CCR3: variants seen among roughly 807,000 people sequenced by gnomAD.
CCR3 encodes C-C motif chemokine receptor 3, also known as C-C chemokine receptor type 3.
For synonymous variants in CCR3, 203 were observed against 179.2 expected, an observed-to-expected ratio of 1.13 and a Z score of -1.06; for missense variants, 419 against 437.5, an observed-to-expected ratio of 0.96 and a Z score of 0.38.
intron 1 of CCR3, among the ~76,000 whole-genome samples, chr3:46,244,118 G>A (rs1700147085): frequency 6.6e-6 from 1 of 152,120 alleles, no homozygotes; most frequent in African/African-American, 2.4e-5. Flanking sequence ...TGTGATTTGT[G>A]TAATATACCT....
chr3:46,234,941 T>C (rs1215118671), intron 2 of CCR3, among the ~76,000 whole-genome samples: 4 of 152,236 alleles, frequency 2.6e-5, no homozygotes, highest in African/African-American at 4.8e-5. Context: ...CTCACGCCCA[T>C]GCATAGCCCC....
In CCR3 at chr3:46,233,080, C is replaced by A. The variant is rs538426244; in HGVS notation, c.-67-9322C>A. 3.3e-5 allele frequency among the ~76,000 whole-genome samples: 5 copies of A among 152,378 alleles called. No homozygotes were observed. In the East Asian group the frequency reaches 9.6e-4, roughly 29 times the overall value. On this transcript the variant is annotated intron_variant, in intron 2 of 3. Coordinates refer to the CCR3 transcript ENST00000357422. ...ACTCCTGACCTCGTGATCCACGTGT[C>A]TCAGCCTCCCAAAGTGCTGGGATTA...
intron 2 of CCR3, among the ~76,000 whole-genome samples, chr3:46,211,244 G>T: frequency 6.7e-6 from 1 of 149,238 alleles, no homozygotes; most frequent in East Asian, 1.9e-4. Flanking sequence ...TGTCGCCCAG[G>T]CTGGGGTGCA....
chr3:46,256,937 G>T (rs1265861856), intron 1 of CCR3, among the ~76,000 whole-genome samples: 3 of 136,862 alleles, frequency 2.2e-5, no homozygotes, highest in Non-Finnish European at 4.6e-5. Context: ...TATCAAGGAG[G>T]TCTTCACATT....
intron 1 of CCR3, 63 bp from the exon 2 acceptor site, chr3:46,265,085 G>A: frequency 9.6e-7 from 1 of 1,036,772 alleles, no homozygotes; most frequent in Non-Finnish European, 1.4e-6. Context: ...AAATCAACTG[G>A]TGTGTTTTAC....
At chr3:46,215,421 A>T (rs942852066) in intron 2 of CCR3, among the ~76,000 whole-genome samples, 1 of 152,206 alleles carries the variant, frequency 6.6e-6, no homozygotes, top group Non-Finnish European at 1.5e-5. Context: ...GTGTTTTAAC[A>T]AGTCCTCCAG....
In CCR3 at chr3:46,246,904, T is replaced by C. The variant is rs944667432; in HGVS notation, c.-12+4366T>C. On this transcript the variant is annotated intron_variant, in intron 1 of 1. Coordinates refer to ENST00000395940, the MANE Select transcript of CCR3 (RefSeq NM_178329.3). The stretch of plus-strand genomic sequence containing the variant: ...TGGGAGAGATTAAGCTGAAGGGAGG[T>C]CTTGTGGTAAGGGGTGATATTGTGG... Among the ~76,000 whole-genome samples the C allele has an allele frequency of 2.6e-4, 40 of 151,126 alleles. 1 individual carries two copies. Among genetic ancestry groups the C allele is most frequent in the African/African-American group, 9.3e-4 (38 of 41,068 alleles).
intron 2 of CCR3, among the ~76,000 whole-genome samples, chr3:46,221,605 C>A (rs183797245): frequency 6.6e-5 from 10 of 152,294 alleles, no homozygotes; most frequent in Admixed American, 1.3e-4. Context: ...GCATCTTGAA[C>A]CCAATTTGCA....
At chr3:46,224,466 G>A (rs1403845842) in intron 2 of CCR3, among the ~76,000 whole-genome samples, 4 of 151,762 alleles carry the variant, frequency 2.6e-5, no homozygotes, top group Middle Eastern at 6.8e-3. Flanking sequence ...AGCTGGGCAC[G>A]GTGGCTCACA....
In CCR3 at chr3:46,213,472, A is replaced by G. The variant is rs554438075; in HGVS notation, c.-68+2565A>G. Among the ~76,000 whole-genome samples the G allele has an allele frequency of 5.9e-5, 9 of 152,286 alleles. No individual in the cohort carries two copies. The South Asian group carries it at 1.0e-3, about 18-fold the overall frequency. ...TTCAAGGAGTCAGGAAATAGAAACTACCTTTTTTGGAAGAGCTACAAAGTC... is the reference window on the plus strand; with the variant it reads ...TTCAAGGAGTCAGGAAATAGAAACTGCCTTTTTTGGAAGAGCTACAAAGTC... On this transcript the variant is annotated intron_variant, in intron 2 of 3. Transcript: ENST00000357422.
In CCR3 at chr3:46,266,047, A is replaced by G. The variant is rs781573919; in HGVS notation, c.889A>G (p.Asn297Asp). The G allele has an allele frequency of 5.6e-6, 9 of 1,614,020 alleles. No homozygotes were observed. The highest frequency in any genetic ancestry group is 7.6e-6 in the Non-Finnish European group (9 of 1,180,012). Residue 297 changes from asparagine (N) to aspartate (D), a missense_variant, in exon 2 of 2, where the codon AAC (asparagine) becomes GAC (aspartate). Coordinates refer to ENST00000395940, the MANE Select transcript of CCR3 (RefSeq NM_178329.3). ...EVIAYSHCCM[N>D]PVIYAFVGER... ...GATCGCCTACTCCCACTGCTGCATG[A>G]ACCCGGTGATCTACGCCTTTGTTGG...
chr3:46,211,243 G>C (rs1278200761), intron 2 of CCR3, among the ~76,000 whole-genome samples: 2 of 149,730 alleles, frequency 1.3e-5, no homozygotes, highest in East Asian at 3.9e-4. Flanking sequence ...CTGTCGCCCA[G>C]GCTGGGGTGC....
chr3:46,243,764 T>C (rs997962628), intron 1 of CCR3, among the ~76,000 whole-genome samples: 3 of 152,174 alleles, frequency 2.0e-5, no homozygotes, highest in Non-Finnish European at 4.4e-5. Flanking sequence ...GAGCCCTTTG[T>C]ATGACTTAAT....
chr3:46,242,963 G>GTATATATATATATATACACATATATA (rs1553644058), intron 1 of CCR3, among the ~76,000 whole-genome samples: 3 of 86,272 alleles, frequency 3.5e-5, no homozygotes, highest in Non-Finnish European at 6.6e-5. Flanking sequence ...ATATATATGT[G>GTATATATATATATATACACATATATA]TATATATATA....
At chr3:46,232,885 T>G (rs1251823056) in intron 2 of CCR3, among the ~76,000 whole-genome samples, 1 of 152,212 alleles carries the variant, frequency 6.6e-6, no homozygotes, top group Admixed American at 6.5e-5. Flanking sequence ...CAGGCTGGAG[T>G]GCAGTGGCAC....
intron 2 of CCR3, among the ~76,000 whole-genome samples, chr3:46,216,817 C>G (rs1699780574): frequency 6.6e-6 from 1 of 152,124 alleles, no homozygotes; most frequent in Admixed American, 6.5e-5. Context: ...GAATTCACCA[C>G]TACCAAGCCA....
intron 1 of CCR3, among the ~76,000 whole-genome samples, chr3:46,248,461 G>A (rs1175346093): frequency 1.3e-5 from 2 of 152,156 alleles, no homozygotes; most frequent in Admixed American, 1.3e-4. Context: ...GCTACAGGGT[G>A]CAGTCCTGGC....
intron 2 of CCR3, among the ~76,000 whole-genome samples, chr3:46,217,603 G>A (rs570071497): frequency 1.4e-4 from 22 of 152,172 alleles, no homozygotes; most frequent in Middle Eastern, 3.4e-3. Context: ...AATCAAAATT[G>A]TATCAAGTAC....
At chr3:46,220,491 C>T (rs1699824008) in intron 2 of CCR3, among the ~76,000 whole-genome samples, 1 of 152,258 alleles carries the variant, frequency 6.6e-6, no homozygotes, top group Non-Finnish European at 1.5e-5. Context: ...TTCAGCAATC[C>T]CACTACTGGG....
Sources: allele counts gnomAD v4.1 joint callset (sites outside exome capture counted in the v4.1 genomes callset), GRCh38; gene constraint gnomAD v4.1.1; transcripts MANE v1.5; gene names NCBI Gene and HGNC (gene_info 2026-07-23, HGNC 2026-07-21).